The following DKK2 variants were observed in gnomAD, a reference collection of about 807,000 sequenced individuals.
DKK2 encodes dickkopf-related protein 2.
In DKK2, 11 loss-of-function variants were observed where a neutral mutation model predicts 28.1. That is an observed-to-expected ratio of 0.39 (90% CI 0.25 to 0.65). DKK2 has a LOEUF of 0.65. DKK2 is among the 30% of genes least tolerant of loss of function. DKK2 has a pLI of 0.47. For synonymous variants in DKK2, 135 were observed against 126.5 expected (o/e 1.07, Z -0.45); for missense variants, 326 against 335.5 (o/e 0.97, Z 0.22).
intron 1 of DKK2, among the ~76,000 whole-genome samples, chr4:106,989,791 T>C (rs975504620): frequency 6.6e-6 from 1 of 152,214 alleles, no homozygotes; most frequent in Non-Finnish European, 1.5e-5. Flanking sequence ...TGATGGCATA[T>C]TCAAGCTATG....
At chr4:107,016,822 C>A (rs1218473072) in intron 1 of DKK2, among the ~76,000 whole-genome samples, 1 of 151,668 alleles carries the variant, frequency 6.6e-6, no homozygotes, top group African/African-American at 2.4e-5. Flanking sequence ...ATGGGTGCAG[C>A]AGGTTTGGGA....
At chr4:106,999,778 A>G (rs1723333720) in intron 1 of DKK2, among the ~76,000 whole-genome samples, 1 of 152,210 alleles carries the variant, frequency 6.6e-6, no homozygotes, top group African/African-American at 2.4e-5. Context: ...AATATACATC[A>G]AATTTTTGTA....
intron 1 of DKK2, among the ~76,000 whole-genome samples, chr4:107,026,382 A>C (rs1237557421): frequency 6.6e-6 from 1 of 152,204 alleles, no homozygotes; most frequent in East Asian, 1.9e-4. Context: ...TTAGTACATA[A>C]TTCAAGATAT....
At chr4:106,995,575 A>C (rs186121346) in intron 1 of DKK2, among the ~76,000 whole-genome samples, 2 of 152,196 alleles carry the variant, frequency 1.3e-5, no homozygotes, top group African/African-American at 4.8e-5. Flanking sequence ...TTTCATATGC[A>C]GAATGAGGTC....
chr4:106,966,797 C>A (rs1722787033), intron 1 of DKK2, among the ~76,000 whole-genome samples: 1 of 152,122 alleles, frequency 6.6e-6, no homozygotes. Context: ...ATATTTGAAA[C>A]CAACAGATCT....
In DKK2 at chr4:107,035,455, G is replaced by A. The variant is rs1366887020; in HGVS notation, c.137C>T (p.Thr46Met). 1.2e-6 allele frequency: 2 copies of A among 1,614,172 alleles called. No individual in the cohort carries two copies. Among genetic ancestry groups the A allele is most frequent in the South Asian group, 1.1e-5 (1 of 91,082 alleles). ...AGATCGATTGGCGGCCTGACCAGGC[G>A]TCTCCCCGCCCAGAGAGGACTTGAT... is the stretch of plus-strand genomic sequence containing the variant. ...NSIKSSLGGETPGQAANRSAG... is the reference protein window; with the variant it reads ...NSIKSSLGGEMPGQAANRSAG... Residue 46 changes from threonine to methionine, a missense_variant, in exon 1 of 4, where the codon ACG becomes ATG. By Grantham distance (81) the Thr-to-Met change is moderately conservative (BLOSUM62 -1). Coordinates refer to ENST00000285311, the MANE Select transcript of DKK2 (RefSeq NM_014421.3).
At chr4:106,980,660 G>A (rs752852669) in intron 1 of DKK2, among the ~76,000 whole-genome samples, 13 of 152,030 alleles carry the variant, frequency 8.6e-5, no homozygotes, top group Non-Finnish European at 1.3e-4. Flanking sequence ...TGCTGAATTC[G>A]CTGCAAGCTA....
chr4:106,934,025 C>A (rs1411147584), intron 1 of DKK2, among the ~76,000 whole-genome samples: 1 of 149,950 alleles, frequency 6.7e-6, no homozygotes, highest in Non-Finnish European at 1.5e-5. Context: ...TATATACACA[C>A]ACTATATATA....
Position 107,000,156 on chromosome 4 carries a change from T to C in DKK2, c.222+35214A>G, listed in dbSNP as rs17037199. On this transcript the variant is annotated intron_variant, in intron 1 of 3. Coordinates refer to ENST00000285311, the MANE Select transcript of DKK2 (RefSeq NM_014421.3). ...CACTGAAACTATTCAATGGATTGGC[T>C]CTATGTCCAATAAATTCTCATTTTT... Among the ~76,000 whole-genome samples, 476 of 152,324 alleles carry C rather than the reference T, an allele frequency of 3.1e-3. 4 individuals carry two copies. Among genetic ancestry groups the C allele is most frequent in the African/African-American group, 0.011 (465 of 41,590 alleles).
At position 106,924,525 on chromosome 4, in the gene DKK2, A is replaced by C. The variant is rs188609214; in HGVS notation, c.529+20T>G. The C allele has an allele frequency of 1.6e-4, 264 of 1,604,064 alleles. 2 individuals carry two copies. In the East Asian group the frequency reaches 5.9e-3, roughly 36 times the overall value. On this transcript the variant is annotated intron_variant, in intron 3 of 3. Coordinates refer to ENST00000285311, the MANE Select transcript of DKK2 (RefSeq NM_014421.3). Reference sequence around the variant, plus strand: ...TATTTCTTTATTTTAAAAAAACCCCAGAACTACAGATATCCCTACCTTTTA... The same window carrying C: ...TATTTCTTTATTTTAAAAAAACCCCCGAACTACAGATATCCCTACCTTTTA...
rs1057292984 is a variant in DKK2 at position 107,035,394 on chromosome 4, A to G, written c.198T>C (p.Ser66=). The change falls in exon 1 of 4, where the codon AGT becomes AGC. Residue 66 remains serine, a synonymous_variant. Coordinates refer to ENST00000285311, the MANE Select transcript of DKK2 (RefSeq NM_014421.3). ...CCTGCCCCAGGTTTTTGCCCTTCTT[A>G]CTGCCGCCGAATGCCAGTCCTTGGT... The part of the protein sequence containing the change: ...GMYQGLAFGG[S]KKGKNLGQAY... 6.2e-7 allele frequency: 1 copy of G among 1,614,150 alleles called. No individual in the cohort carries two copies. Among genetic ancestry groups the G allele is most frequent in the Non-Finnish European group, 8.5e-7 (1 of 1,180,020 alleles).
intron 1 of DKK2, among the ~76,000 whole-genome samples, chr4:107,033,193 A>G (rs537125816): frequency 6.6e-6 from 1 of 152,350 alleles, no homozygotes; most frequent in South Asian, 2.1e-4. Flanking sequence ...TGAATATGTT[A>G]ACAATTTTTT....
intron 1 of DKK2, among the ~76,000 whole-genome samples, chr4:106,954,957 G>C (rs1462858871): frequency 1.3e-5 from 2 of 152,164 alleles, no homozygotes; most frequent in African/African-American, 4.8e-5. Context: ...ATGTACAGGG[G>C]TTGCCCCATT....
At position 106,923,890 on chromosome 4, in the gene DKK2, C is replaced by T. The variant is rs1724384485; in HGVS notation, c.*64G>A. On this transcript the variant is annotated 3_prime_UTR_variant, in exon 4 of 4. Coordinates refer to ENST00000285311, the MANE Select transcript of DKK2 (RefSeq NM_014421.3). Reference sequence around the variant, plus strand: ...TCTGCATCTGAACCTTATTTTCCACCATGCTATAATGCATTAAATACACAA... The same window carrying T: ...TCTGCATCTGAACCTTATTTTCCACTATGCTATAATGCATTAAATACACAA... The T allele has an allele frequency of 1.3e-6, 2 of 1,578,108 alleles. No homozygotes were observed. Among genetic ancestry groups the T allele is most frequent in the Non-Finnish European group, 1.7e-6 (2 of 1,157,520 alleles).
chr4:106,948,709 A>G (rs1172327018), intron 1 of DKK2, among the ~76,000 whole-genome samples: 4 of 152,190 alleles, frequency 2.6e-5, no homozygotes, highest in East Asian at 1.9e-4. Flanking sequence ...AGTATCTCCT[A>G]TCGTGGGTCT....
intron 1 of DKK2, among the ~76,000 whole-genome samples, chr4:106,987,706 G>C (rs1242453113): frequency 6.6e-6 from 1 of 151,606 alleles, no homozygotes; most frequent in African/African-American, 2.4e-5. Flanking sequence ...AAACCCTGGG[G>C]CTGGATGGCT....
intron 1 of DKK2, among the ~76,000 whole-genome samples, chr4:107,028,831 A>C (rs1038929819): frequency 6.6e-6 from 1 of 152,236 alleles, no homozygotes; most frequent in Non-Finnish European, 1.5e-5. Flanking sequence ...AACCATTGGG[A>C]AAGCCTGTGC....
chr4:106,942,121 G>A (rs1724708752), intron 1 of DKK2, among the ~76,000 whole-genome samples: 1 of 152,058 alleles, frequency 6.6e-6, no homozygotes, highest in Non-Finnish European at 1.5e-5. Flanking sequence ...GAAATTATAA[G>A]CCAGATGATA....
chr4:106,992,292 A>G (rs1209653056), intron 1 of DKK2, among the ~76,000 whole-genome samples: 1 of 152,160 alleles, frequency 6.6e-6, no homozygotes, highest in Non-Finnish European at 1.5e-5. Context: ...AAATTTTTCT[A>G]CAACTGTTTC....
Sources: gnomAD v4.1 joint callset for allele counts (sites outside exome capture counted in the v4.1 genomes callset) on GRCh38, gnomAD v4.1.1 for gene constraint, MANE v1.5 for transcripts, NCBI Gene and HGNC (gene_info 2026-07-23, HGNC 2026-07-21) for gene names.